SSBP2: variants seen among roughly 807,000 people sequenced by gnomAD.
SSBP2 encodes the protein single-stranded DNA-binding protein 2.
SSBP2 carries 17 observed loss-of-function variants against 61.8 expected under a neutral mutation model. The ratio of observed to expected loss-of-function variants is 0.28; its 90% CI spans 0.19 to 0.41. SSBP2 has a LOEUF of 0.41. Among genes scored for constraint, SSBP2 ranks in the 10% least tolerant of loss-of-function variants. The pLI, the probability that SSBP2 is intolerant of heterozygous loss-of-function variation, is 1.00. For missense variants in SSBP2, 310 were observed against 458.7 expected, an observed-to-expected ratio of 0.68 and a Z score of 2.96; for synonymous variants, 139 against 141.3, an observed-to-expected ratio of 0.98 and a Z score of 0.12.
At chr5:81,520,610 A>G (rs567828743) in intron 4 of SSBP2, among the ~76,000 whole-genome samples, 1 of 152,116 alleles carries the variant, frequency 6.6e-6, no homozygotes, top group South Asian at 2.1e-4. Context: ...TGTATTATAC[A>G]ATTTTTGTAT....
At chr5:81,604,780 G>A (rs999238484) in intron 4 of SSBP2, among the ~76,000 whole-genome samples, 2 of 151,930 alleles carry the variant, frequency 1.3e-5, no homozygotes, top group Non-Finnish European at 2.9e-5. Flanking sequence ...CAGGTAAAGC[G>A]GCAGCAAAGA....
chr5:81,583,433 T>A (rs1041441307), intron 4 of SSBP2, among the ~76,000 whole-genome samples: 1 of 151,698 alleles, frequency 6.6e-6, no homozygotes, highest in South Asian at 2.1e-4. Context: ...ATTGAGACCA[T>A]CCTGGCTAAC....
At chr5:81,469,906 C>T (rs1765136655) in intron 8 of SSBP2, among the ~76,000 whole-genome samples, 1 of 151,950 alleles carries the variant, frequency 6.6e-6, no homozygotes, top group African/African-American at 2.4e-5. Flanking sequence ...CTCTCTCCCA[C>T]TGCAATGTTT....
At chr5:81,679,603 G>A (rs1752238343) in intron 1 of SSBP2, among the ~76,000 whole-genome samples, 1 of 152,098 alleles carries the variant, frequency 6.6e-6, no homozygotes, top group Non-Finnish European at 1.5e-5. Context: ...TAATTGATAT[G>A]CTAAAAAAGG....
At chr5:81,684,835 A>G (rs1240807419) in intron 1 of SSBP2, among the ~76,000 whole-genome samples, 1 of 152,058 alleles carries the variant, frequency 6.6e-6, no homozygotes, top group Non-Finnish European at 1.5e-5. Context: ...TTGGGGGACT[A>G]TTGAGGGGGA....
At chr5:81,667,938 G>A (rs1403761833) in intron 1 of SSBP2, among the ~76,000 whole-genome samples, 1 of 152,110 alleles carries the variant, frequency 6.6e-6, no homozygotes, top group Non-Finnish European at 1.5e-5. Flanking sequence ...GAATTCAACT[G>A]ATGGCAAAAT....
chr5:81,536,966 T>C (rs1221657526), intron 4 of SSBP2, among the ~76,000 whole-genome samples: 3 of 150,772 alleles, frequency 2.0e-5, no homozygotes, highest in East Asian at 1.9e-4. Flanking sequence ...ATCACAACAC[T>C]GCACTCCAGC....
intron 8 of SSBP2, 58 bp downstream of exon 8, chr5:81,473,642 A>G (rs1336646515): frequency 5.6e-6 from 8 of 1,428,620 alleles, no homozygotes; most frequent in Non-Finnish European, 6.9e-6. Flanking sequence ...TCTATCATTG[A>G]TGGGCATTTG....
intron 2 of SSBP2, among the ~76,000 whole-genome samples, chr5:81,641,678 G>A (rs1390088129): frequency 1.3e-5 from 2 of 152,134 alleles, no homozygotes; most frequent in Non-Finnish European, 2.9e-5. Context: ...ATCCTGACCT[G>A]TAGAAAACTA....
intron 1 of SSBP2, among the ~76,000 whole-genome samples, chr5:81,682,997 T>C (rs1752507620): frequency 1.3e-5 from 2 of 150,128 alleles, no homozygotes; most frequent in Non-Finnish European, 3.0e-5. Context: ...CAAAACTCTG[T>C]TGAAAGACAT....
intron 1 of SSBP2, among the ~76,000 whole-genome samples, chr5:81,682,037 T>C (rs945556319): frequency 6.6e-6 from 1 of 152,214 alleles, no homozygotes; most frequent in Non-Finnish European, 1.5e-5. Context: ...TGAATAGGCC[T>C]ATACCTGTAT....
At chr5:81,653,062 A>C (rs1749881621) in intron 1 of SSBP2, among the ~76,000 whole-genome samples, 1 of 150,748 alleles carries the variant, frequency 6.6e-6, no homozygotes, top group African/African-American at 2.4e-5. Context: ...CCCCTCATCT[A>C]CATTAGGTAT....
At chr5:81,474,780 T>C (rs959523896) in intron 6 of SSBP2, among the ~76,000 whole-genome samples, 13 of 152,164 alleles carry the variant, frequency 8.5e-5, no homozygotes, top group South Asian at 2.1e-4. Flanking sequence ...CCCAATTTTG[T>C]GACAAATAAA....
At chr5:81,562,858 T>C (rs1031021735) in intron 4 of SSBP2, among the ~76,000 whole-genome samples, 9 of 151,036 alleles carry the variant, frequency 6.0e-5, no homozygotes, top group African/African-American at 2.2e-4. Flanking sequence ...GCATGAGCTG[T>C]GTGCTGAAAA....
At chr5:81,649,697 T>C (rs1749567883) in intron 2 of SSBP2, among the ~76,000 whole-genome samples, 1 of 151,616 alleles carries the variant, frequency 6.6e-6, no homozygotes, top group Non-Finnish European at 1.5e-5. Flanking sequence ...GGTGACAGTA[T>C]CTATACCCTA....
At chr5:81,598,067 T>C (rs1743971459) in intron 4 of SSBP2, among the ~76,000 whole-genome samples, 1 of 151,382 alleles carries the variant, frequency 6.6e-6, no homozygotes, top group South Asian at 2.1e-4. Flanking sequence ...AAAAATACTT[T>C]AAAACATAAT....
chr5:81,700,842 G>A (rs1201693695), intron 1 of SSBP2, among the ~76,000 whole-genome samples: 1 of 152,186 alleles, frequency 6.6e-6, no homozygotes, highest in Admixed American at 6.5e-5. Context: ...ACAAACTGAA[G>A]AGTTAGGATC....
At chr5:81,745,269 C>T (rs1757282935) in intron 1 of SSBP2, among the ~76,000 whole-genome samples, 1 of 152,106 alleles carries the variant, frequency 6.6e-6, no homozygotes, top group Admixed American at 6.6e-5. Flanking sequence ...CCCTTCAGCT[C>T]ACCTTTTGTA....
intron 4 of SSBP2, among the ~76,000 whole-genome samples, chr5:81,580,765 T>C (rs866004998): frequency 3.5e-5 from 4 of 113,234 alleles, no homozygotes; most frequent in Admixed American, 3.2e-4. Context: ...AAAAAAAAAA[T>C]GATTTGCTAA....
Sources: allele counts gnomAD v4.1 joint callset (sites outside exome capture counted in the v4.1 genomes callset), GRCh38; gene constraint gnomAD v4.1.1; transcripts MANE v1.5; gene names NCBI Gene and HGNC (gene_info 2026-07-23, HGNC 2026-07-21).